Variants in FRG1 observed in about 807,000 individuals in gnomAD.
The protein encoded by FRG1 is protein FRG1.
Under a neutral mutation model 37.0 loss-of-function variants are expected in FRG1, and 19 were observed. The observed-to-expected ratio is 0.51, with a 90% CI of 0.36 to 0.75. The LOEUF is 0.75. Ranked by LOEUF, FRG1 falls within the 30% of genes least tolerant of loss-of-function variation. The probability of loss-of-function intolerance (pLI) is 0.00; values close to 1 mark genes in which losing one functional copy is unlikely to be tolerated. For missense variants in FRG1, 243 were observed against 301.4 expected (o/e 0.81, Z 1.44); for synonymous variants, 73 against 96.5 (o/e 0.76, Z 1.43).
chr4:189,952,106 A>C (rs1275962878), intron 2 of FRG1, 56 bp from the exon 3 acceptor site: 16 of 1,319,102 alleles, frequency 1.2e-5, no homozygotes, highest in Non-Finnish European at 1.7e-5. Flanking sequence ...TAACAAAAAA[A>C]AGAACTCTGT....
In FRG1 at chr4:189,940,944, C is replaced by T. The variant is rs1736253427; in HGVS notation, c.-66C>T. ...GCTTCTGTTTCTCCGCGCCCCTGTG[C>T]TGCCCCGACTCACATACTCGTCCAG... On this transcript the variant is annotated 5_prime_UTR_variant, in exon 1 of 9. Coordinates refer to ENST00000226798, the MANE Select transcript of FRG1 (RefSeq NM_004477.3). The T allele has an allele frequency of 3.8e-6, 5 of 1,318,406 alleles. No homozygotes were observed. Among genetic ancestry groups the T allele is most frequent in the South Asian group, 2.4e-5 (2 of 83,130 alleles). 81.7% of individuals were successfully genotyped at this position (1,318,406 alleles called of 1,614,324 possible).
intron 5 of FRG1, among the ~76,000 whole-genome samples, chr4:189,955,578 T>G (rs1174270627): frequency 6.6e-5 from 10 of 152,178 alleles, no homozygotes; most frequent in Non-Finnish European, 1.2e-4. Flanking sequence ...TTCATTGAAG[T>G]AAATTATCTC....
intron 6 of FRG1, among the ~76,000 whole-genome samples, chr4:189,958,827 A>G (rs545101534): frequency 0.016 from 2,475 of 152,334 alleles, 44 homozygotes; most frequent in Middle Eastern, 0.034. Flanking sequence ...ATAAACATAT[A>G]CCAGGATGTG....
chr4:189,942,418 C>T (rs200668285), intron 1 of FRG1, among the ~76,000 whole-genome samples: 18 of 152,080 alleles, frequency 1.2e-4, no homozygotes, highest in Non-Finnish European at 2.1e-4. Flanking sequence ...ACCACTAATC[C>T]GCTCTCTATG....
At chr4:189,954,714 C>A (rs1436916352) in intron 4 of FRG1, among the ~76,000 whole-genome samples, 1 of 151,660 alleles carries the variant, frequency 6.6e-6, no homozygotes, top group Non-Finnish European at 1.5e-5. Flanking sequence ...CCTGCGTCAG[C>A]CTCCCAAGTA....
chr4:189,961,058 C>T (rs527239297), intron 7 of FRG1: 46 of 463,224 alleles, frequency 9.9e-5, no homozygotes, highest in Middle Eastern at 6.4e-4. Context: ...AGAGCAAGAC[C>T]GTGTCTGAAA....
At chr4:189,948,779 C>T (rs1579625051) in intron 2 of FRG1, among the ~76,000 whole-genome samples, 1 of 152,422 alleles carries the variant, frequency 6.6e-6, no homozygotes, top group East Asian at 1.9e-4. Context: ...CACCCTCGAC[C>T]TCGTAGGCTC....
intron 4 of FRG1, among the ~76,000 whole-genome samples, chr4:189,953,393 C>G (rs1206974561): frequency 6.6e-6 from 1 of 151,968 alleles, no homozygotes; most frequent in Non-Finnish European, 1.5e-5. Flanking sequence ...TCAAATAGTA[C>G]AAAACCTGGT....
chr4:189,941,853 A>T (rs1162864470), intron 1 of FRG1: 1 of 442,698 alleles, frequency 2.3e-6, no homozygotes, highest in Non-Finnish European at 4.5e-6. Context: ...GGTACATACA[A>T]ATGTCGAGTA....
At position 189,963,114 on chromosome 4, in the gene FRG1, C is replaced by CA; in HGVS notation, c.763dup (p.Arg255LysfsTer20). The CA allele has an allele frequency of 6.2e-7, 1 of 1,611,934 alleles. No individual in the cohort carries two copies. Among genetic ancestry groups the CA allele is most frequent in the African/African-American group, 1.3e-5 (1 of 74,986 alleles). ...ACAGGAGAGCCAAATTGAAAGCCGA[C>CA]AGATACTGCAAGTGACTGGGATTTT... is the stretch of plus-strand genomic sequence containing the variant. On this transcript the variant is annotated frameshift_variant, in exon 9 of 9. Coordinates refer to ENST00000226798, the MANE Select transcript of FRG1 (RefSeq NM_004477.3). LOFTEE classifies it high-confidence loss of function.
intron 6 of FRG1, chr4:189,960,069 A>C (rs1408349073): frequency 5.5e-6 from 1 of 182,408 alleles, no homozygotes; most frequent in South Asian, 1.8e-4. Context: ...CAAAGATGTC[A>C]TTTGCACAAA....
At chr4:189,953,156 C>CAATAT in intron 4 of FRG1, 31 bp downstream of exon 4, 1 of 1,533,090 alleles carries the variant, frequency 6.5e-7, no homozygotes, top group Non-Finnish European at 8.7e-7. Context: ...AATTAGTAAC[C>CAATAT]AGTTATTTTA....
At chr4:189,943,977 G>C (rs954083872) in intron 2 of FRG1, among the ~76,000 whole-genome samples, 4 of 152,138 alleles carry the variant, frequency 2.6e-5, no homozygotes, top group African/African-American at 9.7e-5. Flanking sequence ...TGTAGATGTG[G>C]AATTGCTGTG....
chr4:189,960,015 A>G (rs1737161763), intron 6 of FRG1: 1 of 446,996 alleles, frequency 2.2e-6, no homozygotes, highest in Admixed American at 6.4e-5. Flanking sequence ...AGGCCCTAGC[A>G]GGGAATGTTT....
At chr4:189,954,762 CTTT>C (rs1338574733) in intron 4 of FRG1, among the ~76,000 whole-genome samples, 1 of 151,848 alleles carries the variant, frequency 6.6e-6, no homozygotes, top group Non-Finnish European at 1.5e-5. Flanking sequence ...GCCCAGCTAA[CTTT>C]TTAAATTTTT....
intron 2 of FRG1, among the ~76,000 whole-genome samples, chr4:189,949,709 GATA>G (rs746705845): frequency 1.3e-5 from 2 of 152,118 alleles, no homozygotes; most frequent in Non-Finnish European, 2.9e-5. Flanking sequence ...TAACACTGTT[GATA>G]ATGATTCTGA....
At chr4:189,948,146 G>C (rs1413089264) in intron 2 of FRG1, among the ~76,000 whole-genome samples, 4 of 151,978 alleles carry the variant, frequency 2.6e-5, no homozygotes, top group Non-Finnish European at 1.5e-5. Flanking sequence ...TTCTAAACTT[G>C]CCGTATAAGT....
At chr4:189,961,769 A>G (rs1737246291) in intron 7 of FRG1, 53 bp from the exon 8 acceptor site, 5 of 746,258 alleles carry the variant, frequency 6.7e-6, no homozygotes, top group Non-Finnish European at 1.1e-5. Flanking sequence ...TTAATAGTAA[A>G]TATGTATAAT....
In FRG1 at chr4:189,956,320, T is replaced by TA. The variant is rs531652882; in HGVS notation, c.433-1077dup. Among the ~76,000 whole-genome samples, 180 of 152,288 alleles carry TA rather than the reference T, an allele frequency of 1.2e-3. 1 individual carries two copies. The highest frequency in any genetic ancestry group is 4.1e-3 in the African/African-American group (172 of 41,552). On this transcript the variant is annotated intron_variant, in intron 5 of 8. Coordinates refer to ENST00000226798, the MANE Select transcript of FRG1 (RefSeq NM_004477.3). ...GATGATCCTACTAGTTAGGATGAGA[T>TA]ACTTCTAATAAAAGTTACACCGGTA... is the stretch of plus-strand genomic sequence containing the variant.
Sources: gnomAD v4.1 joint callset for allele counts (sites outside exome capture counted in the v4.1 genomes callset) on GRCh38, gnomAD v4.1.1 for gene constraint, MANE v1.5 for transcripts, NCBI Gene and HGNC (gene_info 2026-07-23, HGNC 2026-07-21) for gene names.